The following CARF variants were observed in gnomAD, a reference collection of about 807,000 sequenced individuals.
CARF encodes the protein calcium responsive transcription factor.
A neutral mutation model predicts 82.0 loss-of-function variants in CARF; 57 were observed. The observed-to-expected ratio is 0.70, with a 90% CI of 0.56 to 0.87. The LOEUF is 0.87. Among genes scored for constraint, CARF ranks in the 40% least tolerant of loss-of-function variants. CARF has a pLI of 0.00. For synonymous variants in CARF, 268 were observed against 290.1 expected (o/e 0.92, Z 0.77); for missense variants, 771 against 855.8 (o/e 0.90, Z 1.24).
In CARF at chr2:202,983,602, A is replaced by G. The variant is rs745337606; in HGVS notation, c.2156A>G (p.Tyr719Cys). 22 of 1,599,582 alleles carry G rather than the reference A, an allele frequency of 1.4e-5. No homozygotes were observed. In the South Asian group the frequency reaches 1.6e-4, roughly 11 times the overall value. ...ATGGAAGCAAAAAAAACTGTGGACT[A>G]TAAGAAATTATCTGCTACATAAATT... is the stretch of plus-strand genomic sequence containing the variant. ...LSMEAKKTVDYKKLSAT is the reference protein window; with the variant it reads ...LSMEAKKTVDCKKLSAT The change falls in exon 17 of 17, where the codon TAT becomes TGT. Residue 719 changes from tyrosine (Y) to cysteine (C), a missense_variant. Tyr to Cys is a radical substitution (Grantham distance 194, BLOSUM62 -2). Coordinates refer to ENST00000438828, the MANE Select transcript of CARF (RefSeq NM_024744.17).
At position 202,955,708 on chromosome 2, in the gene CARF, C is replaced by T. The variant is rs1436122420; in HGVS notation, c.592C>T (p.Pro198Ser). 1 of 1,611,952 alleles carries T rather than the reference C, an allele frequency of 6.2e-7. No individual in the cohort carries two copies. Among genetic ancestry groups the T allele is most frequent in the Admixed American group, 1.7e-5 (1 of 59,876 alleles). The change falls in exon 8 of 17, where the codon CCA becomes TCA. Residue 198 changes from proline (P) to serine (S), a missense_variant. Coordinates refer to ENST00000438828, the MANE Select transcript of CARF (RefSeq NM_024744.17). The part of the protein sequence containing the change: ...LEEPLLGPLQ[P>S]LSSNTPIWAC... The stretch of plus-strand genomic sequence containing the variant: ...AGAACCCCTTCTGGGGCCTCTTCAG[C>T]CACTTTCTTCTAATACACCTATATG...
intron 8 of CARF, among the ~76,000 whole-genome samples, chr2:202,957,714 G>A (rs1346457540): frequency 1.3e-5 from 2 of 151,960 alleles, no homozygotes; most frequent in Admixed American, 6.6e-5. Context: ...TAGCACTTTG[G>A]GAAGCCAAAG....
chr2:202,954,572 G>T (rs1002318782), intron 7 of CARF, among the ~76,000 whole-genome samples: 1 of 151,824 alleles, frequency 6.6e-6, no homozygotes, highest in Non-Finnish European at 1.5e-5. Flanking sequence ...AATTAGCTGG[G>T]TGTGGTGGTG....
chr2:202,958,553 G>A (rs2059158709), intron 8 of CARF, among the ~76,000 whole-genome samples: 1 of 152,052 alleles, frequency 6.6e-6, no homozygotes, highest in Non-Finnish European at 1.5e-5. Context: ...GGTTGTCCAA[G>A]ATGAACCACT....
intron 3 of CARF, among the ~76,000 whole-genome samples, chr2:202,935,325 TA>T (rs2105777529): frequency 7.1e-4 from 2 of 2,826 alleles, no homozygotes; most frequent in South Asian, 0.05. Flanking sequence ...TTTGTATATT[TA>T]TATATATATA....
rs2060303783 is a variant in CARF at position 202,982,420 on chromosome 2, A to G, written c.2038A>G (p.Ile680Val). ...TGTGCAGACTATTCCAATACAGATTATAGACAACCACTCAGCTCTTAGTAA... is the reference window on the plus strand; with the variant it reads ...TGTGCAGACTATTCCAATACAGATTGTAGACAACCACTCAGCTCTTAGTAA... The part of the protein sequence containing the change: ...GDVQTIPIQI[I>V]DNHSALIEEN... Residue 680 changes from isoleucine (I) to valine (V), a missense_variant, in exon 16 of 17, where the codon ATA (isoleucine) becomes GTA (valine). Transcript: ENST00000438828. 1 of 1,614,058 alleles carries G rather than the reference A, an allele frequency of 6.2e-7. No individual in the cohort carries two copies. The highest frequency in any genetic ancestry group is 2.2e-5 in the East Asian group (1 of 44,872).
intron 8 of CARF, among the ~76,000 whole-genome samples, chr2:202,959,295 C>G (rs556158098): frequency 6.6e-6 from 1 of 152,218 alleles, no homozygotes; most frequent in East Asian, 1.9e-4. Flanking sequence ...GAGGAAATTG[C>G]AGATAATGTA....
chr2:202,920,472 T>C (rs1343839084), intron 2 of CARF, among the ~76,000 whole-genome samples: 1 of 152,180 alleles, frequency 6.6e-6, no homozygotes, highest in African/African-American at 2.4e-5. Context: ...ATAATCTTAA[T>C]TGATCTATCA....
chr2:202,968,608 C>G (rs2059651136), intron 10 of CARF, among the ~76,000 whole-genome samples: 1 of 151,624 alleles, frequency 6.6e-6, no homozygotes, highest in Non-Finnish European at 1.5e-5. Context: ...ATTATAAAAA[C>G]TTTAGGTATA....
At chr2:202,965,281 C>A (rs1430590780) in intron 9 of CARF, among the ~76,000 whole-genome samples, 1 of 152,124 alleles carries the variant, frequency 6.6e-6, no homozygotes, top group Non-Finnish European at 1.5e-5. Context: ...AAGAATACCT[C>A]CTCGGTGTGC....
At chr2:202,932,824 A>G (rs562341271) in intron 3 of CARF, among the ~76,000 whole-genome samples, 104 of 152,124 alleles carry the variant, frequency 6.8e-4, no homozygotes, top group African/African-American at 2.4e-3. Context: ...TGACTACTAG[A>G]TAAGTTTGGT....
intron 13 of CARF, among the ~76,000 whole-genome samples, chr2:202,976,113 A>G (rs1165891770): frequency 6.6e-6 from 1 of 152,092 alleles, no homozygotes; most frequent in African/African-American, 2.4e-5. Flanking sequence ...ACAGTTCTTC[A>G]TACTTGATTG....
intron 8 of CARF, among the ~76,000 whole-genome samples, chr2:202,960,735 CGCCTTCCCGCCTTCCT>C (rs1280459557): frequency 7.9e-5 from 12 of 151,338 alleles, no homozygotes; most frequent in African/African-American, 2.4e-4. Flanking sequence ...CCCACCTTCC[CGCCTTCCCGCCTTCCT>C]GCCTTCCCTC....
chr2:202,918,128 C>T (rs1188491669), intron 2 of CARF, 85 bp downstream of exon 2: 1 of 406,276 alleles, frequency 2.5e-6, no homozygotes, highest in Non-Finnish European at 4.8e-6. Context: ...AGTCAAATTA[C>T]CCTTTGTATA....
chr2:202,951,510 A>T (rs577412910), intron 5 of CARF, among the ~76,000 whole-genome samples: 30 of 152,246 alleles, frequency 2.0e-4, no homozygotes, highest in African/African-American at 6.5e-4. Flanking sequence ...TGTGGTGCTG[A>T]TGGAAGTCTG....
intron 12 of CARF, among the ~76,000 whole-genome samples, chr2:202,972,300 C>G (rs910109520): frequency 6.6e-6 from 1 of 151,998 alleles, no homozygotes; most frequent in Non-Finnish European, 1.5e-5. Context: ...TTTAGTCTTA[C>G]AATAGCACTA....
chr2:202,968,798 T>C (rs1316666927), intron 10 of CARF, among the ~76,000 whole-genome samples: 1 of 152,132 alleles, frequency 6.6e-6, no homozygotes, highest in East Asian at 1.9e-4. Context: ...CAAAAACTAG[T>C]AGACAACATG....
chr2:202,969,743 C>G (rs1020985627), intron 10 of CARF, among the ~76,000 whole-genome samples, 176 bp from the exon 11 acceptor site: 6 of 151,968 alleles, frequency 3.9e-5, no homozygotes, highest in Admixed American at 1.3e-4. Flanking sequence ...TTTTAATTTG[C>G]TAAGTATTAA....
chr2:202,923,312 G>A (rs182650288), intron 2 of CARF, among the ~76,000 whole-genome samples: 8 of 152,182 alleles, frequency 5.3e-5, no homozygotes, highest in African/African-American at 1.7e-4. Flanking sequence ...AATTTTGTGC[G>A]GTAGCTCTCC....
Sources: gnomAD v4.1 joint callset for allele counts (sites outside exome capture counted in the v4.1 genomes callset) on GRCh38, gnomAD v4.1.1 for gene constraint, MANE v1.5 for transcripts, NCBI Gene and HGNC (gene_info 2026-07-23, HGNC 2026-07-21) for gene names.